CIC: variants seen among roughly 807,000 people sequenced by gnomAD.
CIC encodes the protein protein capicua homolog.
Under a neutral mutation model 115.7 loss-of-function variants are expected in CIC, and 18 were observed. That is an observed-to-expected ratio of 0.16 (90% CI 0.11 to 0.23). The LOEUF (loss-of-function observed/expected upper bound fraction) is 0.23. CIC is among the 10% of genes least tolerant of loss of function. The probability of loss-of-function intolerance (pLI) is 1.00; values close to 1 mark genes in which losing one functional copy is unlikely to be tolerated. For missense variants in CIC, 2,000 were observed against 2,159.3 expected, an observed-to-expected ratio of 0.93 and a Z score of 1.46; for synonymous variants, 1,076 against 923.0, an observed-to-expected ratio of 1.17 and a Z score of -3.01.
In CIC at chr19:42,289,185, T is replaced by C. The variant is rs1411105569; in HGVS notation, c.3866T>C (p.Val1289Ala). ...TCTCTGCCACCTATCCTGCAGATGG[T>C]GTCTGGCCCTGCATCGTACTCTGGC... ...SQALQELTQM[V>A]SGPASYSGPK... The change falls in exon 9 of 21, where the codon GTG becomes GCG. Residue 1289 changes from valine (V) to alanine (A), a missense_variant. Physicochemically the swap from Val to Ala is moderately conservative, Grantham distance 64 (BLOSUM62 0). Transcript: ENST00000681038. 5 of 1,613,324 alleles carry C rather than the reference T, an allele frequency of 3.1e-6. No homozygotes were observed. The highest frequency in any genetic ancestry group is 1.1e-5 in the South Asian group (1 of 91,084).
chr19:42,284,644 C>A, intron 2 of CIC: 3 of 1,335,596 alleles, frequency 2.2e-6, no homozygotes, highest in African/African-American at 3.0e-5. Context: ...GGGCTGCGGG[C>A]GGAGCGGCGT....
rs1265041500 is a variant in CIC at position 42,274,344 on chromosome 19, G to A, written c.2561G>A (p.Ser854Asn). 2 of 398,544 alleles carry A rather than the reference G, an allele frequency of 5.0e-6. No homozygotes were observed. Among genetic ancestry groups the A allele is most frequent in the African/African-American group, 2.1e-5 (1 of 48,620 alleles). The allele number at this position is 398,544 out of a possible 1,614,324, so 24.7% of individuals were successfully genotyped here. A position where few individuals can be genotyped will look rare whatever the true frequency, so the allele number is the denominator to read the frequency against. Reference protein sequence around the residue: ...RETPVPPGVASGKPGLPPPLP... With the variant: ...RETPVPPGVANGKPGLPPPLP... The stretch of plus-strand genomic sequence containing the variant: ...ACCCCAGTGCCCCCTGGGGTGGCCA[G>A]TGGGAAGCCTGGCCTGCCCCCACCT... The change falls in exon 2 of 21, where the codon AGT becomes AAT. Residue 854 changes from serine (S) to asparagine (N), a missense_variant. Ser to Asn is a conservative substitution (Grantham distance 46, BLOSUM62 1). Transcript: ENST00000681038.
chr19:42,277,978 A>G (rs2037053364), intron 2 of CIC, among the ~76,000 whole-genome samples: 1 of 152,240 alleles, frequency 6.6e-6, no homozygotes. Context: ...GTTCAGTGGT[A>G]TAGTGAGGTT....
rs774430736 is a variant in CIC at position 42,287,824 on chromosome 19, C to T, written c.3507C>T (p.His1169=). The change falls in exon 7 of 21, where the codon CAC becomes CAT. Residue 1169 remains histidine, a synonymous_variant. Coordinates refer to ENST00000681038, the MANE Select transcript of CIC (RefSeq NM_001386298.1). This position sits in a 1 kb window ranked among gnomAD's most constrained non-coding sequence, Gnocchi z 8.7. ...TCTCCTGCCAGGTGAAGGAGGCCCA[C>T]TTCAAGGCCCACCCAGATTGGAAGT... ...HDLAFQVKEA[H]FKAHPDWKWC... The T allele has an allele frequency of 6.2e-7, 1 of 1,613,938 alleles. No homozygotes were observed. Among genetic ancestry groups the T allele is most frequent in the African/African-American group, 1.3e-5 (1 of 75,048 alleles).
At position 42,273,151 on chromosome 19, in the gene CIC, C is replaced by T. The variant is rs576174057; in HGVS notation, c.1368C>T (p.Ser456=). ...GCCAGGGCGGCAGCCGCAGCAGCAG[C>T]GTGGCCTCCCTGGAAAAGGGGACAG... is the stretch of plus-strand genomic sequence containing the variant. The part of the protein sequence containing the change: ...EGSQGGSRSS[S]VASLEKGTAP... The change falls in exon 2 of 21, where the codon AGC becomes AGT. Residue 456 remains serine (S), a synonymous_variant. Coordinates refer to ENST00000681038, the MANE Select transcript of CIC (RefSeq NM_001386298.1). The T allele has an allele frequency of 3.8e-5, 15 of 398,666 alleles. No homozygotes were observed. In the South Asian group the frequency reaches 5.1e-4, roughly 13 times the overall value. 24.7% of individuals were successfully genotyped at this position (398,666 alleles called of 1,614,324 possible). A position where few individuals can be genotyped will look rare whatever the true frequency, so the allele number is the denominator to read the frequency against.
rs773915790 is a variant in CIC at position 42,274,062 on chromosome 19, C to T, written c.2279C>T (p.Thr760Met). ...DSVSHTPTPS[T>M]PAGFRAVSPA... Reference sequence around the variant, plus strand: ...GTGTCCCACACACCTACACCCTCCACGCCGGCTGGCTTCCGGGCCGTGTCC... The same window carrying T: ...GTGTCCCACACACCTACACCCTCCATGCCGGCTGGCTTCCGGGCCGTGTCC... Residue 760 changes from threonine to methionine, a missense_variant, in exon 2 of 21, where the codon ACG (threonine) becomes ATG (methionine). Physicochemically the swap from Thr to Met is moderately conservative, Grantham distance 81. Coordinates refer to ENST00000681038, the MANE Select transcript of CIC (RefSeq NM_001386298.1). 1.8e-5 allele frequency: 7 copies of T among 399,182 alleles called. No homozygotes were observed. The highest frequency in any genetic ancestry group is 2.6e-5 in the Non-Finnish European group (6 of 226,476). 24.7% of individuals were successfully genotyped at this position (399,182 alleles called of 1,614,324 possible). A position where few individuals can be genotyped will look rare whatever the true frequency, so the allele number is the denominator to read the frequency against.
At position 42,292,134 on chromosome 19, in the gene CIC, C is replaced by T. The variant is rs2147293166; in HGVS notation, c.5662C>T (p.Pro1888Ser). The change falls in exon 13 of 21, where the codon CCG (proline) becomes TCG (serine). Residue 1888 changes from proline (P) to serine (S), a missense_variant. Pro to Ser is a moderately conservative substitution (Grantham distance 74, BLOSUM62 -1). Around this residue, in one of 8 missense-constraint regions of CIC, gnomAD observed 1,466 missense variants for 1,390.4 expected, o/e 1.05. Coordinates refer to ENST00000681038, the MANE Select transcript of CIC (RefSeq NM_001386298.1). ...VPVSTPSGLVPPLSPATLPGP... is the reference protein window; with the variant it reads ...VPVSTPSGLVSPLSPATLPGP... ...TGTGAGCACACCCAGCGGCCTGGTG[C>T]CGCCCCTGAGCCCAGCCACACTCCC... 6.2e-7 allele frequency: 1 copy of T among 1,613,794 alleles called. No homozygotes were observed. Among genetic ancestry groups the T allele is most frequent in the Non-Finnish European group, 8.5e-7 (1 of 1,179,980 alleles).
Position 42,292,852 on chromosome 19 carries a change from C to T in CIC, c.6189C>T (p.Ser2063=), listed in dbSNP as rs755335240. 8.7e-6 allele frequency: 14 copies of T among 1,613,752 alleles called. No homozygotes were observed. Among genetic ancestry groups the T allele is most frequent in the South Asian group, 1.1e-5 (1 of 91,082 alleles). Residue 2063 remains serine (S), a synonymous_variant, in exon 15 of 21, where the codon AGC becomes AGT. Transcript: ENST00000681038. ...CAGCCCCGACTAGCCCTTTCCCCAGCGCCACAGGTAGGTGTCAGATCAACC... is the reference window on the plus strand; with the variant it reads ...CAGCCCCGACTAGCCCTTTCCCCAGTGCCACAGGTAGGTGTCAGATCAACC... The part of the protein sequence containing the change: ...ATPAPTSPFP[S]ATAGSMTYSL...
rs539928563 is a variant in CIC, at chr19:42,294,990, C to T, written c.7353C>T (p.Gly2451=). 40 of 1,598,018 alleles carry T rather than the reference C, an allele frequency of 2.5e-5. No homozygotes were observed. The highest frequency in any genetic ancestry group is 3.1e-5 in the Non-Finnish European group (37 of 1,179,076). ...EAPLPVPPPT[G]TAAAPAPTPS... is the part of the protein sequence containing the mutation. ...CTCTCCCTGTACCGCCCCCCACTGG[C>T]ACCGCTGCTGCCCCTGCCCCCACTC... The change falls in exon 21 of 21, where the codon GGC becomes GGT. Residue 2451 remains glycine (G), a synonymous_variant. Coordinates refer to ENST00000681038, the MANE Select transcript of CIC (RefSeq NM_001386298.1).
At chr19:42,276,388 G>T (rs2036978886) in intron 2 of CIC, among the ~76,000 whole-genome samples, 1 of 152,200 alleles carries the variant, frequency 6.6e-6, no homozygotes, top group African/African-American at 2.4e-5. Context: ...CATAGAGGGT[G>T]TGTTTGAGTC....
chr19:42,289,977 C>G (rs971482529), intron 10 of CIC, 26 bp downstream of exon 10: 6 of 1,540,826 alleles, frequency 3.9e-6, no homozygotes, highest in Admixed American at 3.6e-5. Flanking sequence ...ACGGTGCTGT[C>G]CCATCACACT....
rs926431641 is a variant in CIC, at chr19:42,273,688, A to G, written c.1905A>G (p.Pro635=). The G allele has an allele frequency of 8.1e-5, 32 of 396,320 alleles. No homozygotes were observed. Among genetic ancestry groups the G allele is most frequent in the Non-Finnish European group, 1.4e-4 (31 of 225,316 alleles). 24.6% of individuals were successfully genotyped at this position (396,320 alleles called of 1,614,324 possible). A position where few individuals can be genotyped will look rare whatever the true frequency, so the allele number is the denominator to read the frequency against. Residue 635 remains proline, a synonymous_variant, in exon 2 of 21, where the codon CCA becomes CCG. Transcript: ENST00000681038. ...FSPAPSPSPS[P]LFGFRPANFS... ...CAGCCCCATCACCCTCACCCTCACC[A>G]CTCTTCGGCTTCCGCCCTGCCAACT...
At chr19:42,281,032 C>T (rs973254516) in intron 2 of CIC, among the ~76,000 whole-genome samples, 12 of 151,270 alleles carry the variant, frequency 7.9e-5, no homozygotes, top group African/African-American at 2.7e-4. Context: ...CTCACACTGA[C>T]TCACCCCGGC....
chr19:42,288,053 C>G, intron 7 of CIC, 78 bp downstream of exon 7: 2 of 1,496,438 alleles, frequency 1.3e-6, no homozygotes, highest in Non-Finnish European at 1.8e-6. Flanking sequence ...CTTGCTCCTC[C>G]CCTGCCCCAG....
chr19:42,294,747 T>C lies in CIC; in HGVS notation c.7186+12T>C. The C allele has an allele frequency of 6.2e-7, 1 of 1,612,794 alleles. No homozygotes were observed. On this transcript the variant is annotated intron_variant, in intron 20 of 20. Transcript: ENST00000681038. ...CTTCTTCCCGTCAGGTGAGCCTGTC[T>C]CGGAGTCTTGGGGTCACTCGGGTGG... is the stretch of plus-strand genomic sequence containing the variant.
rs775116935 is a variant in CIC at position 42,294,587 on chromosome 19, G to C, written c.7055-17G>C. On this transcript the variant is annotated splice_polypyrimidine_tract_variant and intron_variant, in intron 19 of 20. Coordinates refer to ENST00000681038, the MANE Select transcript of CIC (RefSeq NM_001386298.1). The stretch of plus-strand genomic sequence containing the variant: ...GCCGCTGCTGCAGCCTTGCCATGCT[G>C]CCTGTGCCCTGCACAGGTACAGAAG... 24 of 1,612,704 alleles carry C rather than the reference G, an allele frequency of 1.5e-5. No homozygotes were observed. Among genetic ancestry groups the C allele is most frequent in the Non-Finnish European group, 2.0e-5 (24 of 1,179,908 alleles).
At position 42,290,915 on chromosome 19, in the gene CIC, G is replaced by T; in HGVS notation, c.4874G>T (p.Arg1625Leu). Residue 1625 changes from arginine (R) to leucine (L), a missense_variant, in exon 11 of 21, where the codon CGG (arginine) becomes CTG (leucine). Physicochemically the swap from Arg to Leu is moderately radical, Grantham distance 102. Coordinates refer to ENST00000681038, the MANE Select transcript of CIC (RefSeq NM_001386298.1). ...AGGACTGAAATGGGCACTGGGTCTC[G>T]GGTGCCTGGGGGCTCCCCGCTGGGT... ...GARTEMGTGSRVPGGSPLGVS... is the reference protein window; with the variant it reads ...GARTEMGTGSLVPGGSPLGVS... 6.2e-7 allele frequency: 1 copy of T among 1,613,540 alleles called. No individual in the cohort carries two copies. The highest frequency in any genetic ancestry group is 8.5e-7 in the Non-Finnish European group (1 of 1,179,998).
At chr19:42,274,961 T>A (rs1455663090) in intron 2 of CIC, among the ~76,000 whole-genome samples, 1 of 152,184 alleles carries the variant, frequency 6.6e-6, no homozygotes, top group Non-Finnish European at 1.5e-5. Context: ...TAGGTGAGCT[T>A]GCCAAATTTT....
rs1293841405 is a variant in CIC, at chr19:42,290,248, G to C, written c.4207G>C (p.Val1403Leu). Reference sequence around the variant, plus strand: ...TTTCATGCAGGGCTTTGGTCGGAAGGTGTTTTCACCTGTGATCCGTTCCTC... The same window carrying C: ...TTTCATGCAGGGCTTTGGTCGGAAGCTGTTTTCACCTGTGATCCGTTCCTC... ...PEGNKGFGRK[V>L]FSPVIRSSFT... The change falls in exon 11 of 21, where the codon GTG becomes CTG. Residue 1403 changes from valine (V) to leucine (L), a missense_variant. Val to Leu is a conservative substitution (Grantham distance 32, BLOSUM62 1). Coordinates refer to ENST00000681038, the MANE Select transcript of CIC (RefSeq NM_001386298.1). 6.2e-7 allele frequency: 1 copy of C among 1,613,942 alleles called. No individual in the cohort carries two copies. The highest frequency in any genetic ancestry group is 8.5e-7 in the Non-Finnish European group (1 of 1,179,972).
Sources: allele counts gnomAD v4.1 joint callset (sites outside exome capture counted in the v4.1 genomes callset), GRCh38; gene constraint gnomAD v4.1.1; regional missense constraint gnomAD v4.1.1; non-coding constraint Gnocchi (gnomAD v3.1); transcripts MANE v1.5; gene names NCBI Gene and HGNC (gene_info 2026-07-23, HGNC 2026-07-21).